Variants in LRP1B observed in about 807,000 individuals in gnomAD.
The protein encoded by LRP1B is LDL receptor related protein 1B, also known as low-density lipoprotein receptor-related protein 1B.
In LRP1B, 217 loss-of-function variants were observed where a neutral mutation model predicts 556.6. The observed-to-expected ratio is 0.39, with a 90% CI of 0.35 to 0.44. LRP1B has a LOEUF of 0.44. Among genes scored for constraint, LRP1B ranks in the 20% least tolerant of loss-of-function variants. The pLI is 1.00. For synonymous variants in LRP1B, 2,047 were observed against 1,865.8 expected (o/e 1.10, Z -2.50); for missense variants, 5,053 against 5,620.8 (o/e 0.90, Z 3.23).
intron 2 of LRP1B, among the ~76,000 whole-genome samples, chr2:141,711,187 T>C (rs1247597593): frequency 6.6e-6 from 1 of 152,144 alleles, no homozygotes; most frequent in Non-Finnish European, 1.5e-5. Flanking sequence ...TGAAACTCCT[T>C]ATGGGTGGTC....
At chr2:140,288,964 C>T (rs1279343773) in intron 84 of LRP1B, among the ~76,000 whole-genome samples, 1 of 151,790 alleles carries the variant, frequency 6.6e-6, no homozygotes, top group African/African-American at 2.4e-5. Flanking sequence ...ACCACCTTGG[C>T]CTGAGTAAAG....
At chr2:140,705,020 T>C (rs879646027) in intron 37 of LRP1B, among the ~76,000 whole-genome samples, 13 of 152,000 alleles carry the variant, frequency 8.6e-5, no homozygotes, top group Non-Finnish European at 1.6e-4. Context: ...TAATTATGAC[T>C]AGGAAGTAAA....
chr2:140,361,422 A>G (rs1403272224), intron 72 of LRP1B, among the ~76,000 whole-genome samples: 2 of 143,108 alleles, frequency 1.4e-5, no homozygotes, highest in African/African-American at 5.1e-5. Context: ...ATTTCTTAAG[A>G]TATTATTAAA....
At chr2:141,961,511 G>C (rs1701403776) in intron 1 of LRP1B, among the ~76,000 whole-genome samples, 1 of 151,570 alleles carries the variant, frequency 6.6e-6, no homozygotes, top group African/African-American at 2.4e-5. Flanking sequence ...GTATTTAATT[G>C]ATCTGGGTCA....
intron 2 of LRP1B, 132 bp from the exon 3 acceptor site, chr2:141,480,665 T>C (rs1682885615): frequency 1.1e-6 from 1 of 887,146 alleles, no homozygotes; most frequent in Non-Finnish European, 1.9e-6. Flanking sequence ...GCTGCTCTTG[T>C]TCTCAGAGAC....
chr2:141,233,199 T>C (rs1683535095), intron 5 of LRP1B, among the ~76,000 whole-genome samples: 1 of 152,198 alleles, frequency 6.6e-6, no homozygotes, highest in South Asian at 2.1e-4. Context: ...TGAGAGGTAA[T>C]GAACATTAAC....
intron 2 of LRP1B, among the ~76,000 whole-genome samples, chr2:141,558,333 C>T (rs746263155): frequency 1.3e-5 from 2 of 151,422 alleles, no homozygotes; most frequent in African/African-American, 4.8e-5. Flanking sequence ...ATTCGTCAGG[C>T]CTTATGAGAA....
chr2:141,291,853 C>A (rs1469128460), intron 3 of LRP1B, among the ~76,000 whole-genome samples: 2 of 20,446 alleles, frequency 9.8e-5, no homozygotes, highest in African/African-American at 2.3e-4. Flanking sequence ...GAGACTCTGT[C>A]TCAAAAAAAA....
At chr2:140,537,572 G>A (rs1574055305) in intron 45 of LRP1B, among the ~76,000 whole-genome samples, 1 of 152,170 alleles carries the variant, frequency 6.6e-6, no homozygotes, top group South Asian at 2.1e-4. Context: ...TGCCATACAT[G>A]ATGAGCACCT....
At chr2:141,783,520 A>G (rs1392159764) in intron 2 of LRP1B, among the ~76,000 whole-genome samples, 1 of 152,008 alleles carries the variant, frequency 6.6e-6, no homozygotes, top group South Asian at 2.1e-4. Flanking sequence ...ACCCAGCTCT[A>G]TTCCTAACAT....
At chr2:140,751,375 G>A (rs767703525) in intron 35 of LRP1B, among the ~76,000 whole-genome samples, 3 of 152,120 alleles carry the variant, frequency 2.0e-5, no homozygotes, top group African/African-American at 4.8e-5. Context: ...CTATAGCAAC[G>A]TGAATGAACC....
At chr2:141,410,703 T>C (rs910706513) in intron 3 of LRP1B, among the ~76,000 whole-genome samples, 2 of 152,060 alleles carry the variant, frequency 1.3e-5, no homozygotes, top group Admixed American at 1.3e-4. Context: ...TGTGATTTCC[T>C]TTATAATAAG....
intron 3 of LRP1B, among the ~76,000 whole-genome samples, chr2:141,383,666 A>G (rs1485861451): frequency 6.6e-6 from 1 of 152,190 alleles, no homozygotes; most frequent in Non-Finnish European, 1.5e-5. Flanking sequence ...GTAAAGTAGT[A>G]TTCAGGCTTT....
chr2:141,194,863 A>C (rs986572955), intron 6 of LRP1B, among the ~76,000 whole-genome samples: 1 of 152,128 alleles, frequency 6.6e-6, no homozygotes, highest in Admixed American at 6.6e-5. Context: ...CAAAAATATT[A>C]GTTATCTCCC....
chr2:141,966,604 T>C (rs1701573364), intron 1 of LRP1B, among the ~76,000 whole-genome samples: 1 of 151,688 alleles, frequency 6.6e-6, no homozygotes, highest in Admixed American at 6.6e-5. Flanking sequence ...ATGACTCATC[T>C]ATAAGCTACC....
chr2:141,172,011 T>C (rs7598151), intron 7 of LRP1B, among the ~76,000 whole-genome samples: 6,534 of 152,144 alleles, frequency 0.043, 471 homozygotes, highest in African/African-American at 0.15. Context: ...AGAAAAAAGA[T>C]AGGTAATGCA....
chr2:140,984,911 T>C (rs1472791139), intron 17 of LRP1B, among the ~76,000 whole-genome samples: 2 of 152,232 alleles, frequency 1.3e-5, no homozygotes, highest in African/African-American at 4.8e-5. Context: ...TATAATCAAG[T>C]TGACTAAATT....
At chr2:140,710,640 C>G (rs183815481) in intron 37 of LRP1B, among the ~76,000 whole-genome samples, 1 of 151,974 alleles carries the variant, frequency 6.6e-6, no homozygotes, top group African/African-American at 2.4e-5. Context: ...ATAATGCTCA[C>G]AGGAGCTATA....
At chr2:141,892,885 T>G (rs1292512338) in intron 1 of LRP1B, among the ~76,000 whole-genome samples, 1 of 152,206 alleles carries the variant, frequency 6.6e-6, no homozygotes, top group Non-Finnish European at 1.5e-5. Flanking sequence ...TTGAGAAATT[T>G]ACCACCACTT....
Sources: gnomAD v4.1 joint callset for allele counts (sites outside exome capture counted in the v4.1 genomes callset) on GRCh38, gnomAD v4.1.1 for gene constraint, MANE v1.5 for transcripts, NCBI Gene and HGNC (gene_info 2026-07-23, HGNC 2026-07-21) for gene names.